The following DNAAF11 variants were observed in gnomAD, a reference collection of about 807,000 sequenced individuals.
DNAAF11 encodes dynein axonemal assembly factor 11, also known as leucine rich repeat containing 6.
Under a neutral mutation model 60.8 loss-of-function variants are expected in DNAAF11, and 45 were observed. That is an observed-to-expected ratio of 0.74 (90% CI 0.58 to 0.95). The LOEUF (loss-of-function observed/expected upper bound fraction) is 0.95, where lower values mean the gene tolerates loss of function less well. Ranked by LOEUF, DNAAF11 falls within the 40% of genes least tolerant of loss-of-function variation. The pLI is 0.00. For missense variants in DNAAF11, 546 were observed against 546.2 expected, an observed-to-expected ratio of 1.00 and a Z score of 0.00; for synonymous variants, 191 against 183.5, an observed-to-expected ratio of 1.04 and a Z score of -0.33.
At chr8:132,598,251 G>A (rs552683285) in intron 10 of DNAAF11, among the ~76,000 whole-genome samples, 1 of 152,268 alleles carries the variant, frequency 6.6e-6, no homozygotes, top group Admixed American at 6.5e-5. Context: ...TAAATGGTGT[G>A]TCTACTTATC....
chr8:132,676,292 C>T (rs1825758244), upstream of DNAAF11, among the ~76,000 whole-genome samples: 1 of 152,284 alleles, frequency 6.6e-6, no homozygotes, highest in South Asian at 2.1e-4. Context: ...CGCGCCTTCT[C>T]CCATTCTAAA....
chr8:132,671,853 C>T (rs1306077011), intron 1 of DNAAF11, among the ~76,000 whole-genome samples: 1 of 150,442 alleles, frequency 6.6e-6, no homozygotes, highest in Non-Finnish European at 1.5e-5. Flanking sequence ...CTACATCTCA[C>T]ATCATATACA....
At chr8:132,636,153 T>C (rs1821275342) in intron 4 of DNAAF11, among the ~76,000 whole-genome samples, 1 of 152,070 alleles carries the variant, frequency 6.6e-6, no homozygotes, top group African/African-American at 2.4e-5. Flanking sequence ...AAGCTTTCAA[T>C]GAAATGGTAA....
chr8:132,675,251 C>G (rs905040933), intron 1 of DNAAF11: 2 of 452,794 alleles, frequency 4.4e-6, no homozygotes, highest in Middle Eastern at 5.8e-4. Flanking sequence ...CCCACGGCCC[C>G]GCCCATTTTA....
the DNAAF11 span, among the ~76,000 whole-genome samples, chr8:132,681,002 C>CCTTTTTTTTTTTTTTTTTT: frequency 4.3e-5 from 1 of 23,460 alleles, no homozygotes; most frequent in South Asian, 2.5e-3. Context: ...AATAACTATT[C>CCTTTTTTTTTTTTTTTTTT]CTTTTTTTTT....
At chr8:132,662,667 C>T (rs1174802740) in intron 1 of DNAAF11, among the ~76,000 whole-genome samples, 1 of 152,200 alleles carries the variant, frequency 6.6e-6, no homozygotes, top group Non-Finnish European at 1.5e-5. Flanking sequence ...GTTTAAATAA[C>T]TTACCTGGGT....
At chr8:132,660,294 G>A (rs1824006622) in intron 2 of DNAAF11, among the ~76,000 whole-genome samples, 1 of 151,930 alleles carries the variant, frequency 6.6e-6, no homozygotes. Flanking sequence ...AGTTACATAT[G>A]TATACATGTG....
intron 10 of DNAAF11, among the ~76,000 whole-genome samples, chr8:132,587,112 T>C (rs541293063): frequency 6.6e-6 from 1 of 152,262 alleles, no homozygotes; most frequent in Non-Finnish European, 1.5e-5. Flanking sequence ...ATTAGAGCCT[T>C]AAAACACCCC....
At chr8:132,622,753 T>C (rs909669517) in intron 6 of DNAAF11, 65 bp from the exon 7 acceptor site, 13 of 1,072,232 alleles carry the variant, frequency 1.2e-5, no homozygotes, top group Non-Finnish European at 1.7e-5. Flanking sequence ...AAAGAGAATA[T>C]AAAAGCAATT....
At chr8:132,610,287 C>A in intron 9 of DNAAF11, 26 bp from the exon 10 acceptor site, 1 of 1,499,774 alleles carries the variant, frequency 6.7e-7, no homozygotes, top group South Asian at 1.1e-5. Context: ...AAGAAAGTAT[C>A]ATTGAGAGCA....
Position 132,622,698 on chromosome 8 carries a change from G to C in DNAAF11, c.837-10C>G, listed in dbSNP as rs771690684. 30 of 1,591,332 alleles carry C rather than the reference G, an allele frequency of 1.9e-5. No homozygotes were observed. Among genetic ancestry groups the C allele is most frequent in the Middle Eastern group, 1.7e-4 (1 of 6,036 alleles). ...TTTCTTCTTTTTTTCACTTAAGATT[G>C]GTGGTGGATGAGAACAATGGGCAGC... is the stretch of plus-strand genomic sequence containing the variant. On this transcript the variant is annotated splice_polypyrimidine_tract_variant and intron_variant, in intron 6 of 11. Coordinates refer to ENST00000620350, the MANE Select transcript of DNAAF11 (RefSeq NM_012472.6).
At chr8:132,657,730 G>T (rs1032680474) in intron 2 of DNAAF11, among the ~76,000 whole-genome samples, 10 of 152,016 alleles carry the variant, frequency 6.6e-5, no homozygotes, top group Admixed American at 5.2e-4. Flanking sequence ...ATTGCTGAGT[G>T]CTTATCACAT....
chr8:132,641,489 G>A (rs1026625474), intron 3 of DNAAF11, among the ~76,000 whole-genome samples: 1 of 152,138 alleles, frequency 6.6e-6, no homozygotes, highest in Non-Finnish European at 1.5e-5. Context: ...CTTGGCGTGA[G>A]ATAGAAGGTC....
chr8:132,618,148 C>A (rs1359956265), intron 7 of DNAAF11, among the ~76,000 whole-genome samples: 3 of 151,870 alleles, frequency 2.0e-5, no homozygotes. Flanking sequence ...TGCCGCATAT[C>A]TACAACTATC....
chr8:132,648,473 C>T (rs1391187956), intron 3 of DNAAF11, among the ~76,000 whole-genome samples: 2 of 152,172 alleles, frequency 1.3e-5, no homozygotes, highest in African/African-American at 4.8e-5. Flanking sequence ...CCTCTCTCAC[C>T]ACTCCTATTC....
At chr8:132,614,224 G>A (rs1464450795) in intron 8 of DNAAF11, among the ~76,000 whole-genome samples, 3 of 152,192 alleles carry the variant, frequency 2.0e-5, no homozygotes, top group Non-Finnish European at 4.4e-5. Context: ...CTCTAATGAG[G>A]TGACATCTGA....
At chr8:132,680,652 A>C in the DNAAF11 span, among the ~76,000 whole-genome samples, 4 of 151,882 alleles carry the variant, frequency 2.6e-5, no homozygotes, top group Admixed American at 2.0e-4. Flanking sequence ...TACAAGTCTC[A>C]GTTCCTTCCT....
At chr8:132,675,846 C>T (rs1825740630), upstream of DNAAF11, among the ~76,000 whole-genome samples, 1 of 152,180 alleles carries the variant, frequency 6.6e-6, no homozygotes, top group Non-Finnish European at 1.5e-5. Context: ...CCAGGCTTGC[C>T]TTCCAGACCG....
intron 8 of DNAAF11, 139 bp downstream of exon 8, chr8:132,614,899 T>C (rs1482917824): frequency 3.9e-6 from 2 of 511,996 alleles, no homozygotes; most frequent in East Asian, 6.0e-5. Flanking sequence ...TTATAGTAAC[T>C]TCTCTGTCTT....
Sources: allele counts gnomAD v4.1 joint callset (sites outside exome capture counted in the v4.1 genomes callset), GRCh38; gene constraint gnomAD v4.1.1; transcripts MANE v1.5; gene names NCBI Gene and HGNC (gene_info 2026-07-23, HGNC 2026-07-21).